Variants in SNX13 observed in about 807,000 individuals in gnomAD.
SNX13 encodes sorting nexin 13.
Under a neutral mutation model 133.6 loss-of-function variants are expected in SNX13, and 45 were observed. The observed-to-expected ratio is 0.34, with a 90% CI of 0.27 to 0.43. The LOEUF is 0.43. SNX13 is among the 20% of genes least tolerant of loss of function. SNX13 has a pLI of 1.00. For synonymous variants in SNX13, 414 were observed against 373.9 expected (o/e 1.11, Z -1.24); for missense variants, 1,032 against 1,145.1 (o/e 0.90, Z 1.43).
rs532590756 is a variant in SNX13, at chr7:17,861,310, T to C, written c.837+7097A>G. ...CATCAGGTGATGGGTTTGGCAGTTA[T>C]CACACATACAGTTATCACACATACA... is the stretch of plus-strand genomic sequence containing the variant. On this transcript the variant is annotated intron_variant, in intron 9 of 25. Coordinates refer to ENST00000428135, the MANE Select transcript of SNX13 (RefSeq NM_015132.5). Among the ~76,000 whole-genome samples, 14 of 151,220 alleles carry C rather than the reference T, an allele frequency of 9.3e-5. No individual in the cohort carries two copies. The East Asian group carries it at 2.4e-3, about 25-fold the overall frequency.
chr7:17,825,579 T>C (rs1184001608), intron 17 of SNX13, among the ~76,000 whole-genome samples: 1 of 152,192 alleles, frequency 6.6e-6, no homozygotes, highest in Non-Finnish European at 1.5e-5. Flanking sequence ...GTTTCTCACC[T>C]CATTATTCAA....
rs192433756 is a variant in SNX13, at chr7:17,792,198, G to A, written c.*1847C>T. On this transcript the variant is annotated 3_prime_UTR_variant, in exon 26 of 26. Transcript: ENST00000428135. ...TGAAAATCACTGCACTTATGGCCAT[G>A]CTGATGCTTCCTACAGACATGTTTC... The A allele has an allele frequency of 5.4e-4, 82 of 152,058 alleles. No individual in the cohort carries two copies. Among genetic ancestry groups the A allele is most frequent in the African/African-American group, 1.9e-3 (77 of 41,510 alleles). The allele number at this position is 152,058 out of a possible 1,614,324, so 9.4% of individuals were successfully genotyped here.
At chr7:17,872,389 A>G (rs1034895588) in intron 8 of SNX13, among the ~76,000 whole-genome samples, 2 of 152,200 alleles carry the variant, frequency 1.3e-5, no homozygotes, top group African/African-American at 4.8e-5. Context: ...GGCTGGAGTA[A>G]TATATAAACA....
chr7:17,912,959 C>G (rs1268842527), intron 1 of SNX13, among the ~76,000 whole-genome samples: 5 of 152,156 alleles, frequency 3.3e-5, no homozygotes, highest in African/African-American at 1.2e-4. Flanking sequence ...GAGGTTTCTC[C>G]TAGGATGCAA....
intron 5 of SNX13, among the ~76,000 whole-genome samples, chr7:17,886,626 T>C (rs1796024062): frequency 6.6e-6 from 1 of 152,092 alleles, no homozygotes; most frequent in African/African-American, 2.4e-5. Flanking sequence ...TTTCTGCTAA[T>C]CTTGGGTTAA....
In SNX13 at chr7:17,791,682, G is replaced by A. The variant is rs1783556745; in HGVS notation, c.*2363C>T. ...ACCAGAAGACATAAAGCCTCTTCAT[G>A]TATATATTCATATATGCAATAAATG... On this transcript the variant is annotated 3_prime_UTR_variant, in exon 26 of 26. Coordinates refer to ENST00000428135, the MANE Select transcript of SNX13 (RefSeq NM_015132.5). 6.6e-6 allele frequency: 1 copy of A among 152,026 alleles called. No individual in the cohort carries two copies. Among genetic ancestry groups the A allele is most frequent in the Admixed American group, 6.6e-5 (1 of 15,242 alleles). The allele number at this position is 152,026 out of a possible 1,614,324, so 9.4% of individuals were successfully genotyped here. A position where few individuals can be genotyped will look rare whatever the true frequency, so the allele number is the denominator to read the frequency against.
intron 8 of SNX13, among the ~76,000 whole-genome samples, chr7:17,872,714 AG>A (rs1291832021): frequency 6.6e-6 from 1 of 152,240 alleles, no homozygotes; most frequent in Non-Finnish European, 1.5e-5. Context: ...CATAAAAGCA[AG>A]TCTCAGGAAT....
chr7:17,804,532 A>G (rs1784974511), intron 20 of SNX13, among the ~76,000 whole-genome samples: 2 of 152,084 alleles, frequency 1.3e-5, no homozygotes, highest in Admixed American at 6.6e-5. Flanking sequence ...ATATGACCAG[A>G]GATATAAAAA....
chr7:17,914,978 T>C (rs746799892), intron 1 of SNX13, among the ~76,000 whole-genome samples: 2 of 152,052 alleles, frequency 1.3e-5, no homozygotes, highest in Non-Finnish European at 2.9e-5. Flanking sequence ...AAGAGACTCA[T>C]CTCACATGTA....
At chr7:17,848,049 C>T (rs192341545) in intron 11 of SNX13, among the ~76,000 whole-genome samples, 1 of 152,228 alleles carries the variant, frequency 6.6e-6, no homozygotes, top group East Asian at 1.9e-4. Context: ...TGTTTTCCTG[C>T]TCGAATGTTG....
At chr7:17,891,730 T>A in intron 3 of SNX13, 95 bp from the exon 4 acceptor site, 1 of 738,476 alleles carries the variant, frequency 1.4e-6, no homozygotes, top group Non-Finnish European at 2.2e-6. Flanking sequence ...CATCCCTTCA[T>A]TATCCTCAAG....
At chr7:17,932,241 T>C (rs1422107749) in intron 1 of SNX13, among the ~76,000 whole-genome samples, 3 of 152,240 alleles carry the variant, frequency 2.0e-5, no homozygotes, top group Non-Finnish European at 4.4e-5. Flanking sequence ...CTTGCATTTA[T>C]AATTGGTTAT....
chr7:17,858,729 TA>T (rs1165939791), intron 9 of SNX13, among the ~76,000 whole-genome samples: 16 of 152,020 alleles, frequency 1.1e-4, no homozygotes, highest in South Asian at 2.1e-4. Flanking sequence ...ACGATAAAGC[TA>T]AAGTAATCAG....
intron 13 of SNX13, among the ~76,000 whole-genome samples, chr7:17,836,396 A>C (rs1407264556): frequency 2.0e-5 from 3 of 152,002 alleles, no homozygotes; most frequent in Non-Finnish European, 4.4e-5. Context: ...GCATGCCTAC[A>C]ATCCCACCTA....
chr7:17,831,887 A>C, intron 15 of SNX13: 1 of 984,382 alleles, frequency 1.0e-6, no homozygotes, highest in African/African-American at 1.7e-5. Flanking sequence ...CCTAAAACCT[A>C]AACACTGACA....
intron 13 of SNX13, among the ~76,000 whole-genome samples, chr7:17,839,307 G>C (rs1278514061): frequency 6.6e-6 from 1 of 151,006 alleles, no homozygotes; most frequent in Non-Finnish European, 1.5e-5. Flanking sequence ...TATCCTTGAT[G>C]TTTTTCTATC....
At chr7:17,863,569 G>C (rs1219561830) in intron 9 of SNX13, among the ~76,000 whole-genome samples, 1 of 152,126 alleles carries the variant, frequency 6.6e-6, no homozygotes, top group East Asian at 1.9e-4. Context: ...ACCCACCCTT[G>C]GCCAGAAGGG....
intron 2 of SNX13, among the ~76,000 whole-genome samples, chr7:17,895,634 T>C (rs1244239460): frequency 6.6e-6 from 1 of 152,162 alleles, no homozygotes; most frequent in Non-Finnish European, 1.5e-5. Flanking sequence ...TTTGTAAGCA[T>C]CCAAAAGATT....
At chr7:17,940,241 T>C in intron 1 of SNX13, 43 bp downstream of exon 1, 2 of 1,553,198 alleles carry the variant, frequency 1.3e-6, no homozygotes, top group Non-Finnish European at 1.7e-6. Context: ...CGCCGGCCCC[T>C]TCCCCATTTC....
Sources: allele counts gnomAD v4.1 joint callset (sites outside exome capture counted in the v4.1 genomes callset), GRCh38; gene constraint gnomAD v4.1.1; transcripts MANE v1.5; gene names NCBI Gene and HGNC (gene_info 2026-07-23, HGNC 2026-07-21).